Variants in CACNA1C observed in about 807,000 individuals in gnomAD.
CACNA1C encodes the protein calcium voltage-gated channel subunit alpha1 C.
A neutral mutation model predicts 229.0 loss-of-function variants in CACNA1C; 30 were observed. The ratio of observed to expected loss-of-function variants is 0.13; its 90% CI spans 0.10 to 0.18. The LOEUF is 0.18. Ranked by LOEUF, CACNA1C falls within the 10% of genes least tolerant of loss-of-function variation. The probability of loss-of-function intolerance (pLI) is 1.00; values close to 1 mark genes in which losing one functional copy is unlikely to be tolerated. For synonymous variants in CACNA1C, 1,114 were observed against 1,132.5 expected (o/e 0.98, Z 0.33); for missense variants, 1,658 against 2,845.0 (o/e 0.58, Z 9.49).
At chr12:2,349,403 G>T (rs2154525879) in intron 3 of CACNA1C, among the ~76,000 whole-genome samples, 1 of 152,220 alleles carries the variant, frequency 6.6e-6, no homozygotes, top group Non-Finnish European at 1.5e-5. Flanking sequence ...GTCTCAATTG[G>T]AATCATCGTT....
chr12:2,116,598 A>C (rs2299663), intron 2 of CACNA1C, among the ~76,000 whole-genome samples: 92,297 of 151,914 alleles, frequency 0.61, 29,828 homozygotes, highest in Non-Finnish European at 0.72. Flanking sequence ...CGATCTCCTA[A>C]CCTCGTGATC....
intron 3 of CACNA1C, among the ~76,000 whole-genome samples, chr12:2,388,064 A>G (rs2154547818): frequency 6.6e-6 from 1 of 152,284 alleles, no homozygotes; most frequent in South Asian, 2.1e-4. Flanking sequence ...ATCATGTCTC[A>G]CTTATATGTG....
chr12:2,103,296 A>G (rs1260889743), intron 1 of CACNA1C, among the ~76,000 whole-genome samples: 1 of 152,342 alleles, frequency 6.6e-6, no homozygotes, highest in Admixed American at 6.5e-5. Context: ...ATGAGATGGT[A>G]CCTCATTGTG....
upstream of CACNA1C, among the ~76,000 whole-genome samples, chr12:2,052,760 C>T (rs1205840763): frequency 6.9e-6 from 1 of 145,688 alleles, no homozygotes; most frequent in African/African-American, 2.5e-5. Context: ...TCGGGCGGCG[C>T]TGCCGCGGGC....
At chr12:2,680,326 A>G in intron 42 of CACNA1C, 1 of 1,439,514 alleles carries the variant, frequency 6.9e-7, no homozygotes, top group Non-Finnish European at 9.4e-7. Flanking sequence ...CTCCTGACTC[A>G]CTCTTTTCTC....
chr12:2,565,242 G>A (rs1445357439), intron 11 of CACNA1C, among the ~76,000 whole-genome samples: 1 of 151,994 alleles, frequency 6.6e-6, no homozygotes, highest in Non-Finnish European at 1.5e-5. Flanking sequence ...GCCGAGGCGG[G>A]TGGATCATGA....
intron 3 of CACNA1C, among the ~76,000 whole-genome samples, chr12:2,276,610 A>C (rs2154429195): frequency 6.6e-6 from 1 of 152,334 alleles, no homozygotes; most frequent in Middle Eastern, 3.4e-3. Context: ...CTCTATTACC[A>C]GGGCAGATGA....
chr12:2,681,922 T>A, intron 42 of CACNA1C: 1 of 1,310,084 alleles, frequency 7.6e-7, no homozygotes, highest in East Asian at 2.3e-5. Flanking sequence ...GGTCCAGAGC[T>A]AAAGATGACC....
At chr12:2,509,664 G>A (rs113188054) in intron 8 of CACNA1C, among the ~76,000 whole-genome samples, 16 of 152,234 alleles carry the variant, frequency 1.1e-4, no homozygotes, top group Middle Eastern at 3.4e-3. Flanking sequence ...GACACAGGAC[G>A]GCACTTCAGC....
intron 1 of CACNA1C, among the ~76,000 whole-genome samples, chr12:2,042,006 G>T (rs1320244480): frequency 2.0e-5 from 3 of 152,176 alleles, no homozygotes; most frequent in Admixed American, 6.5e-5. Context: ...TGTAAATGAT[G>T]CAATTTCTGG....
At chr12:2,423,128 C>T (rs1231113304) in intron 3 of CACNA1C, among the ~76,000 whole-genome samples, 1 of 151,678 alleles carries the variant, frequency 6.6e-6, no homozygotes. Context: ...CCCTTCCAAC[C>T]CTAGAATCGT....
At chr12:1,988,460 G>C (rs893584895) in intron 1 of CACNA1C, among the ~76,000 whole-genome samples, 4 of 152,212 alleles carry the variant, frequency 2.6e-5, no homozygotes, top group African/African-American at 9.6e-5. Context: ...CCATTCTGCA[G>C]GGTGGGTCAA....
intron 3 of CACNA1C, among the ~76,000 whole-genome samples, chr12:2,154,246 A>T (rs989728477): frequency 1.3e-5 from 2 of 151,896 alleles, no homozygotes; most frequent in South Asian, 2.1e-4. Context: ...CCTACATCCC[A>T]CTCCAGCTTG....
intron 46 of CACNA1C, chr12:2,690,025 A>G (rs1233202118): frequency 6.6e-6 from 1 of 152,178 alleles, no homozygotes; most frequent in African/African-American, 2.4e-5. Context: ...CGATTTTCCC[A>G]TAGCCAGGCA....
chr12:2,466,316 C>A (rs556063556), intron 5 of CACNA1C, among the ~76,000 whole-genome samples: 7 of 152,302 alleles, frequency 4.6e-5, no homozygotes, highest in African/African-American at 1.4e-4. Context: ...TGTTTTCTGG[C>A]CCAGTTGGTG....
At chr12:2,088,841 C>G (rs1328870744) in intron 1 of CACNA1C, among the ~76,000 whole-genome samples, 1 of 152,138 alleles carries the variant, frequency 6.6e-6, no homozygotes, top group Admixed American at 6.6e-5. Flanking sequence ...AGGATTTAGT[C>G]GGACTGGTTA....
chr12:2,203,820 C>CTAGA (rs1216851300), intron 3 of CACNA1C, among the ~76,000 whole-genome samples: 33 of 152,152 alleles, frequency 2.2e-4, no homozygotes, highest in Non-Finnish European at 8.8e-5. Flanking sequence ...AGAGAGCTTG[C>CTAGA]TAGACAGAGC....
Position 2,678,404 on chromosome 12 carries a change from C to A in CACNA1C, c.5091+537C>A, listed in dbSNP as rs1026147727. Among the ~76,000 whole-genome samples, 2 of 152,174 alleles carry A rather than the reference C, an allele frequency of 1.3e-5. No homozygotes were observed. Among genetic ancestry groups the A allele is most frequent in the African/African-American group, 4.8e-5 (2 of 41,448 alleles). On this transcript the variant is annotated intron_variant, in intron 41 of 46. Transcript: ENST00000399655. The surrounding 1 kb of genome is among the most constrained non-coding windows in gnomAD (Gnocchi z 4.1). Reference sequence around the variant, plus strand: ...CAGAACTCCCCTTTCCCTCTCCTTTCCTGGAGACTGAAGCTGCCCAGCAGT... The same window carrying A: ...CAGAACTCCCCTTTCCCTCTCCTTTACTGGAGACTGAAGCTGCCCAGCAGT...
At chr12:2,130,430 T>A (rs1200981486) in intron 3 of CACNA1C, among the ~76,000 whole-genome samples, 1 of 132,532 alleles carries the variant, frequency 7.5e-6, no homozygotes, top group Non-Finnish European at 1.6e-5. Context: ...ATTAGGTATA[T>A]CTCCCAATGC....
Sources: allele counts gnomAD v4.1 joint callset (sites outside exome capture counted in the v4.1 genomes callset), GRCh38; gene constraint gnomAD v4.1.1; non-coding constraint Gnocchi (gnomAD v3.1); transcripts MANE v1.5; gene names NCBI Gene and HGNC (gene_info 2026-07-23, HGNC 2026-07-21).